Variants in TERB1 observed in about 807,000 individuals in gnomAD.
TERB1 encodes the protein telomere repeats-binding bouquet formation protein 1.
TERB1 carries 63 observed loss-of-function variants against 92.3 expected under a neutral mutation model. The ratio of observed to expected loss-of-function variants is 0.68; its 90% CI spans 0.56 to 0.84. The LOEUF is 0.84. TERB1 is among the 40% of genes least tolerant of loss of function. The pLI, the probability that TERB1 is intolerant of heterozygous loss-of-function variation, is 0.00. For missense variants in TERB1, 709 were observed against 843.7 expected, an observed-to-expected ratio of 0.84 and a Z score of 1.98; for synonymous variants, 252 against 283.9, an observed-to-expected ratio of 0.89 and a Z score of 1.13.
At chr16:66,802,010 C>T (rs894071146), upstream of TERB1, among the ~76,000 whole-genome samples, 7 of 152,302 alleles carry the variant, frequency 4.6e-5, no homozygotes, top group Non-Finnish European at 7.4e-5. Context: ...AGGGGGCTTC[C>T]GGAGTTCAGT....
At chr16:66,801,647 C>CCCG (rs1567483117), upstream of TERB1, 2 of 152,232 alleles carry the variant, frequency 1.3e-5, no homozygotes, top group Admixed American at 1.3e-4. Flanking sequence ...GGCCGGCAGC[C>CCCG]CCGCCGCCCC....
chr16:66,773,754 AT>A (rs1472232949), intron 12 of TERB1, among the ~76,000 whole-genome samples: 1 of 152,152 alleles, frequency 6.6e-6, no homozygotes, highest in African/African-American at 2.4e-5. Flanking sequence ...ACATAATCTC[AT>A]TTTTTGAGTT....
intron 18 of TERB1, among the ~76,000 whole-genome samples, chr16:66,757,276 A>G (rs2018153398): frequency 6.6e-6 from 1 of 152,268 alleles, no homozygotes; most frequent in South Asian, 2.1e-4. Flanking sequence ...GTCACTTAAC[A>G]GTATATAGGA....
In TERB1 at chr16:66,755,004, G is replaced by A; in HGVS notation, c.2156C>T (p.Thr719Ile). The A allele has an allele frequency of 6.4e-7, 1 of 1,551,090 alleles. No individual in the cohort carries two copies. Among genetic ancestry groups the A allele is most frequent in the Non-Finnish European group, 8.7e-7 (1 of 1,146,852 alleles). ...VDLAHKYHKL[T>I]KHPTCAAS ...AGAAGCTGCACACGTGGGGTGTTTG[G>A]TCAGCTTGTGGTATTTGTGAGCAAG... The change falls in exon 19 of 19, where the codon ACC becomes ATC. Residue 719 changes from threonine (T) to isoleucine (I), a missense_variant. Physicochemically the swap from Thr to Ile is moderately conservative, Grantham distance 89. Transcript: ENST00000433154.
At chr16:66,785,605 T>C (rs78666844) in intron 9 of TERB1, among the ~76,000 whole-genome samples, 181 bp downstream of exon 9, 21 of 152,354 alleles carry the variant, frequency 1.4e-4, no homozygotes, top group African/African-American at 5.0e-4. Flanking sequence ...GCTACCACCA[T>C]CTTCCCAATA....
chr16:66,797,900 T>C (rs969954351), intron 2 of TERB1, among the ~76,000 whole-genome samples: 5 of 152,068 alleles, frequency 3.3e-5, no homozygotes, highest in African/African-American at 1.2e-4. Flanking sequence ...TCACATACCC[T>C]ACTTTAAAAT....
At chr16:66,790,826 G>A in intron 4 of TERB1, 83 bp downstream of exon 4, 5 of 1,402,998 alleles carry the variant, frequency 3.6e-6, no homozygotes, top group Middle Eastern at 1.8e-4. Context: ...TAACTGAATG[G>A]AAGATAAAGA....
At chr16:66,800,384 TAAAG>T (rs1260021053) in intron 2 of TERB1, among the ~76,000 whole-genome samples, 2 of 131,812 alleles carry the variant, frequency 1.5e-5, no homozygotes, top group African/African-American at 3.0e-5. Context: ...TAAATAAAAA[TAAAG>T]AAAGTTTTTT....
At position 66,770,317 on chromosome 16, in the gene TERB1, G is replaced by T; in HGVS notation, c.1273-8C>A. On this transcript the variant is annotated splice_polypyrimidine_tract_variant and splice_region_variant and intron_variant, in intron 13 of 18. Coordinates refer to ENST00000433154, the MANE Select transcript of TERB1 (RefSeq NM_001136505.2). ...TTCTCTTTGTATTTCTTCCTATAGT[G>T]TAAAAATGACAAATAATTTCAATAT... The T allele has an allele frequency of 1.4e-6, 2 of 1,465,398 alleles. No homozygotes were observed. The highest frequency in any genetic ancestry group is 1.8e-6 in the Non-Finnish European group (2 of 1,086,170). 90.8% of individuals were successfully genotyped at this position (1,465,398 alleles called of 1,614,324 possible).
intron 16 of TERB1, among the ~76,000 whole-genome samples, chr16:66,765,499 C>A (rs1373814126): frequency 6.6e-6 from 1 of 151,454 alleles, no homozygotes; most frequent in Non-Finnish European, 1.5e-5. Context: ...GCTCTGTCAC[C>A]AAGGCTGGAG....
At position 66,772,677 on chromosome 16, in the gene TERB1, C is replaced by T. The variant is rs2018471734; in HGVS notation, c.1184G>A (p.Ser395Asn). ...CTCTTCAAGATTATTCTCCTTCACA[C>T]TTATGTCCTTTAATTGCTGTGTTTC... ...ENETQQLKDISVKENNLEEHW... is the reference protein window; with the variant it reads ...ENETQQLKDINVKENNLEEHW... The change falls in exon 13 of 19, where the codon AGT becomes AAT. Residue 395 changes from serine (S) to asparagine (N), a missense_variant. Ser to Asn is a conservative substitution (Grantham distance 46, BLOSUM62 1). Coordinates refer to ENST00000433154, the MANE Select transcript of TERB1 (RefSeq NM_001136505.2). The T allele has an allele frequency of 6.5e-7, 1 of 1,549,754 alleles. No individual in the cohort carries two copies. The highest frequency in any genetic ancestry group is 8.7e-7 in the Non-Finnish European group (1 of 1,145,318).
intron 2 of TERB1, among the ~76,000 whole-genome samples, 157 bp downstream of exon 2, chr16:66,800,820 G>A (rs913707686): frequency 9.2e-5 from 14 of 152,168 alleles, no homozygotes; most frequent in Middle Eastern, 6.3e-3. Context: ...CCAGAAGTCA[G>A]CTGGCTCTGC....
chr16:66,785,756 A>G, intron 9 of TERB1, 30 bp downstream of exon 9: 2 of 1,498,896 alleles, frequency 1.3e-6, no homozygotes, highest in Non-Finnish European at 1.8e-6. Context: ...TGTTTCTTCA[A>G]CTATGACCTA....
At chr16:66,782,278 G>C (rs754216961) in intron 9 of TERB1, among the ~76,000 whole-genome samples, 2 of 152,104 alleles carry the variant, frequency 1.3e-5, no homozygotes, top group Non-Finnish European at 2.9e-5. Context: ...GGCCAGGTGC[G>C]GTGGCTCATG....
intron 9 of TERB1, among the ~76,000 whole-genome samples, chr16:66,781,529 T>TTC (rs1441029762): frequency 4.7e-5 from 7 of 148,894 alleles, no homozygotes; most frequent in Non-Finnish European, 1.0e-4. Context: ...CTTTTTTTTT[T>TTC]TTTTTTTTGA....
At chr16:66,777,927 A>G (rs1363123899) in intron 10 of TERB1, among the ~76,000 whole-genome samples, 3 of 152,218 alleles carry the variant, frequency 2.0e-5, no homozygotes, top group Admixed American at 2.0e-4. Context: ...ACTAATATCA[A>G]CAAAAAAGTT....
intron 7 of TERB1, 44 bp downstream of exon 7, chr16:66,786,181 C>T: frequency 6.5e-7 from 1 of 1,529,234 alleles, no homozygotes; most frequent in Non-Finnish European, 8.9e-7. Flanking sequence ...TGTTAAGGTC[C>T]TAAGTAATGA....
At chr16:66,798,972 A>G (rs1396595682) in intron 2 of TERB1, among the ~76,000 whole-genome samples, 2 of 152,226 alleles carry the variant, frequency 1.3e-5, no homozygotes, top group African/African-American at 4.8e-5. Flanking sequence ...GGGAGCCAAG[A>G]AAATTTCAGG....
intron 13 of TERB1, among the ~76,000 whole-genome samples, chr16:66,771,030 T>C (rs904410943): frequency 6.6e-6 from 1 of 152,082 alleles, no homozygotes; most frequent in Non-Finnish European, 1.5e-5. Flanking sequence ...GTGTATTTTT[T>C]TGTAGACACA....
Sources: gnomAD v4.1 joint callset for allele counts (sites outside exome capture counted in the v4.1 genomes callset) on GRCh38, gnomAD v4.1.1 for gene constraint, MANE v1.5 for transcripts, NCBI Gene and HGNC (gene_info 2026-07-23, HGNC 2026-07-21) for gene names.